FKTN: variants seen among roughly 807,000 people sequenced by gnomAD.
FKTN encodes the protein ribitol-5-phosphate transferase FKTN.
FKTN carries 47 observed loss-of-function variants against 58.6 expected under a neutral mutation model. That is an observed-to-expected ratio of 0.80 (90% CI 0.63 to 1.02). The LOEUF (loss-of-function observed/expected upper bound fraction) is 1.02, where lower values mean the gene tolerates loss of function less well. Ranked by LOEUF, FKTN falls within the 50% of genes least tolerant of loss-of-function variation. FKTN has a pLI of 0.00. For synonymous variants in FKTN, 178 were observed against 191.9 expected, an observed-to-expected ratio of 0.93 and a Z score of 0.60; for missense variants, 516 against 537.3, an observed-to-expected ratio of 0.96 and a Z score of 0.39.
chr9:105,635,009 C>G (rs773925544), intron 10 of FKTN, 42 bp from the exon 11 acceptor site: 5 of 1,548,966 alleles, frequency 3.2e-6, no homozygotes, highest in Non-Finnish European at 4.5e-6. Flanking sequence ...TTAGCTAGAC[C>G]TTCTTCCACT....
In FKTN at chr9:105,635,176, C is replaced by T. The variant is rs201590151; in HGVS notation, c.1298C>T (p.Thr433Met). 1.6e-5 allele frequency: 26 copies of T among 1,614,110 alleles called. 1 individual carries two copies. The South Asian group carries it at 2.3e-4, about 14-fold the overall frequency. The change falls in exon 11 of 11, where the codon ACG (threonine) becomes ATG (methionine). Residue 433 changes from threonine (T) to methionine (M), a missense_variant. By Grantham distance (81) the Thr-to-Met change is moderately conservative. Coordinates refer to ENST00000357998, the MANE Select transcript of FKTN (RefSeq NM_001079802.2). ...AAGACCTGGAAGATTCCTGTAAAGACGTGGGACTGGAAGCGCTCTCCTCCC... is the reference window on the plus strand; with the variant it reads ...AAGACCTGGAAGATTCCTGTAAAGATGTGGGACTGGAAGCGCTCTCCTCCC... ...YGKTWKIPVK[T>M]WDWKRSPPNV... is the part of the protein sequence containing the mutation.
At chr9:105,572,264 T>A (rs1214739726) in intron 1 of FKTN, among the ~76,000 whole-genome samples, 1 of 151,904 alleles carries the variant, frequency 6.6e-6, no homozygotes, top group Non-Finnish European at 1.5e-5. Context: ...TAGTGTTTGC[T>A]TTATATAGTC....
chr9:105,564,466 G>T (rs1301427946), intron 1 of FKTN, among the ~76,000 whole-genome samples: 1 of 152,226 alleles, frequency 6.6e-6, no homozygotes, highest in African/African-American at 2.4e-5. Context: ...ACCTGATGGA[G>T]CTGAAAACCA....
At chr9:105,567,275 A>C (rs532465603) in intron 1 of FKTN, among the ~76,000 whole-genome samples, 1 of 152,160 alleles carries the variant, frequency 6.6e-6, no homozygotes, top group Non-Finnish European at 1.5e-5. Flanking sequence ...CCTATTCAGC[A>C]TGGTGTTGGA....
In FKTN at chr9:105,635,548, G is replaced by A; in HGVS notation, c.*284G>A. 2 of 1,296,048 alleles carry A rather than the reference G, an allele frequency of 1.5e-6. No homozygotes were observed. The highest frequency in any genetic ancestry group is 1.6e-5 in the South Asian group (1 of 63,408). 80.3% of individuals were successfully genotyped at this position (1,296,048 alleles called of 1,614,324 possible). A position where few individuals can be genotyped will look rare whatever the true frequency, so the allele number is the denominator to read the frequency against. On this transcript the variant is annotated 3_prime_UTR_variant, in exon 11 of 11. Coordinates refer to ENST00000357998, the MANE Select transcript of FKTN (RefSeq NM_001079802.2). ...TAAACAACTCAATTTTCCTTTGAGG[G>A]AACCCTCCCCCACCCTTTGAAGAGT... is the stretch of plus-strand genomic sequence containing the variant.
intron 10 of FKTN, among the ~76,000 whole-genome samples, chr9:105,631,276 C>T (rs547395490): frequency 2.0e-5 from 3 of 152,130 alleles, no homozygotes; most frequent in African/African-American, 7.2e-5. Flanking sequence ...TGTGCTAGCC[C>T]TGCTTCTATT....
intron 10 of FKTN, among the ~76,000 whole-genome samples, chr9:105,624,971 C>T (rs1257951578): frequency 2.0e-5 from 3 of 152,152 alleles, no homozygotes; most frequent in Non-Finnish European, 4.4e-5. Context: ...GCGTACTTCA[C>T]AGGGTATAAT....
At chr9:105,631,459 A>T (rs1261167683) in intron 10 of FKTN, among the ~76,000 whole-genome samples, 1 of 152,178 alleles carries the variant, frequency 6.6e-6, no homozygotes, top group Non-Finnish European at 1.5e-5. Context: ...AAGTTTAAAA[A>T]AGCCAGGTTC....
chr9:105,593,142 T>C (rs1352114744), intron 3 of FKTN, among the ~76,000 whole-genome samples: 1 of 152,232 alleles, frequency 6.6e-6, no homozygotes, highest in Non-Finnish European at 1.5e-5. Context: ...TGGCATCTGC[T>C]TGGCTTCTGT....
intron 8 of FKTN, 101 bp from the exon 9 acceptor site, chr9:105,617,858 A>T (rs1205212055): frequency 4.0e-6 from 3 of 743,066 alleles, no homozygotes; most frequent in East Asian, 3.0e-5. Flanking sequence ...CTGTCTCTTT[A>T]AAAAAAAAGA....
At chr9:105,583,164 C>G (rs1843324104) in intron 3 of FKTN, among the ~76,000 whole-genome samples, 1 of 152,208 alleles carries the variant, frequency 6.6e-6, no homozygotes, top group African/African-American at 2.4e-5. Context: ...GTCAGCTTAC[C>G]TATAGTGCCT....
intron 10 of FKTN, among the ~76,000 whole-genome samples, chr9:105,629,704 G>GTA (rs1833162677): frequency 6.6e-6 from 1 of 151,950 alleles, no homozygotes; most frequent in Non-Finnish European, 1.5e-5. Context: ...GTCATTATGT[G>GTA]TATGTATATA....
chr9:105,589,943 TC>T (rs1270764861), intron 3 of FKTN, among the ~76,000 whole-genome samples: 1 of 152,202 alleles, frequency 6.6e-6, no homozygotes, highest in Non-Finnish European at 1.5e-5. Context: ...GGTTAGAGTT[TC>T]CTGTTACTTA....
Position 105,640,279 on chromosome 9 carries a change from A to G in FKTN, c.*5015A>G, listed in dbSNP as rs1834330184. The G allele has an allele frequency of 9.8e-7, 1 of 1,018,090 alleles. No individual in the cohort carries two copies. Among genetic ancestry groups the G allele is most frequent in the Non-Finnish European group, 1.4e-6 (1 of 730,858 alleles). The allele number at this position is 1,018,090 out of a possible 1,614,324, so 63.1% of individuals were successfully genotyped here. A position where few individuals can be genotyped will look rare whatever the true frequency, so the allele number is the denominator to read the frequency against. On this transcript the variant is annotated 3_prime_UTR_variant, in exon 11 of 11. Transcript: ENST00000357998. ...AGAAATCCCTGCTTCTTTTGGGTGC[A>G]GTGGCTCACACCTGTAATACCAGCA...
At chr9:105,600,651 A>G (rs968135388) in intron 4 of FKTN, among the ~76,000 whole-genome samples, 3 of 152,206 alleles carry the variant, frequency 2.0e-5, no homozygotes, top group Non-Finnish European at 4.4e-5. Flanking sequence ...ATTATTAAGC[A>G]GCATTACAGA....
intron 1 of FKTN, among the ~76,000 whole-genome samples, chr9:105,559,736 G>A (rs35874027): frequency 6.6e-6 from 1 of 152,084 alleles, no homozygotes; most frequent in Non-Finnish European, 1.5e-5. Context: ...GTGAGGTGCA[G>A]GAAATAGAGT....
chr9:105,598,169 A>G (rs986738684), intron 4 of FKTN: 1 of 467,302 alleles, frequency 2.1e-6, no homozygotes, highest in Non-Finnish European at 4.4e-6. Context: ...GTTGAAGAGC[A>G]GCTTACCACA....
At position 105,601,252 on chromosome 9, in the gene FKTN, A is replaced by G; in HGVS notation, c.273A>G (p.Lys91=). Residue 91 remains lysine, a synonymous_variant, in exon 5 of 11, where the codon AAA becomes AAG. Coordinates refer to ENST00000357998, the MANE Select transcript of FKTN (RefSeq NM_001079802.2). The part of the protein sequence containing the change: ...ELINKNFEQV[K]NTSHGSTSQC... ...TTAATAAGAACTTTGAACAAGTCAAAAATACTTCTCATGGCTCTACTTCAC... is the reference window on the plus strand; with the variant it reads ...TTAATAAGAACTTTGAACAAGTCAAGAATACTTCTCATGGCTCTACTTCAC... The G allele has an allele frequency of 6.2e-7, 1 of 1,612,614 alleles. No individual in the cohort carries two copies. The highest frequency in any genetic ancestry group is 8.5e-7 in the Non-Finnish European group (1 of 1,179,006).
Position 105,596,572 on chromosome 9 carries a change from A to G in FKTN, c.106-26A>G, listed in dbSNP as rs1291661895. ...TTGCATGCTGGACTTTGAATTTACT[A>G]AAAAGTTCTTTTGTTGTCTTCCTAG... On this transcript the variant is annotated intron_variant, in intron 3 of 10. Transcript: ENST00000357998. 4 of 1,581,306 alleles carry G rather than the reference A, an allele frequency of 2.5e-6. No homozygotes were observed. The Admixed American group carries it at 6.7e-5, about 26-fold the overall frequency.
Sources: allele counts gnomAD v4.1 joint callset (sites outside exome capture counted in the v4.1 genomes callset), GRCh38; gene constraint gnomAD v4.1.1; transcripts MANE v1.5; gene names NCBI Gene and HGNC (gene_info 2026-07-23, HGNC 2026-07-21).